The following RHOBTB1 variants were observed in gnomAD, a reference collection of about 807,000 sequenced individuals.
The protein encoded by RHOBTB1 is rho-related BTB domain-containing protein 1.
RHOBTB1 carries 40 observed loss-of-function variants against 71.6 expected under a neutral mutation model. The observed-to-expected ratio is 0.56, with a 90% CI of 0.43 to 0.73. RHOBTB1 has a LOEUF of 0.73. Among genes scored for constraint, RHOBTB1 ranks in the 30% least tolerant of loss-of-function variants. The pLI, the probability that RHOBTB1 is intolerant of heterozygous loss-of-function variation, is 0.00. For missense variants in RHOBTB1, 797 were observed against 894.0 expected (o/e 0.89, Z 1.38); for synonymous variants, 319 against 334.9 (o/e 0.95, Z 0.52).
At chr10:60,886,724 G>A (rs375965857) in intron 6 of RHOBTB1, among the ~76,000 whole-genome samples, 2 of 141,526 alleles carry the variant, frequency 1.4e-5, no homozygotes, top group African/African-American at 5.2e-5. Flanking sequence ...ATGTGGGGGG[G>A]GGTGGGTCTG....
chr10:60,891,846 T>C (rs1014872952), intron 5 of RHOBTB1, among the ~76,000 whole-genome samples: 11 of 152,138 alleles, frequency 7.2e-5, no homozygotes, highest in African/African-American at 2.7e-4. Context: ...GTTCCCATAA[T>C]CCCCATGTGT....
At chr10:60,897,900 T>G (rs192405274) in intron 4 of RHOBTB1, among the ~76,000 whole-genome samples, 1 of 152,206 alleles carries the variant, frequency 6.6e-6, no homozygotes, top group African/African-American at 2.4e-5. Context: ...GAGATGGGGT[T>G]TCACCATGTT....
At chr10:60,996,891 A>G (rs947863483) in intron 1 of RHOBTB1, among the ~76,000 whole-genome samples, 10 of 152,184 alleles carry the variant, frequency 6.6e-5, no homozygotes, top group Admixed American at 4.6e-4. Flanking sequence ...CTTATCTCTC[A>G]GCTGTACAGA....
intron 2 of RHOBTB1, among the ~76,000 whole-genome samples, chr10:60,918,272 T>C (rs927084877): frequency 2.0e-5 from 3 of 152,246 alleles, no homozygotes; most frequent in African/African-American, 7.2e-5. Context: ...GAGCCAAATG[T>C]GACCTTAGTT....
intron 2 of RHOBTB1, among the ~76,000 whole-genome samples, chr10:60,967,231 C>A (rs1446791035): frequency 1.9e-5 from 2 of 103,764 alleles, no homozygotes; most frequent in Admixed American, 9.8e-5. Context: ...GATCTAAGAC[C>A]AATTAGAAAA....
Position 60,968,525 on chromosome 10 carries a change from A to G in RHOBTB1, c.-62+17320T>C, listed in dbSNP as rs540400604. 6.6e-5 allele frequency among the ~76,000 whole-genome samples: 10 copies of G among 152,264 alleles called. No individual in the cohort carries two copies. In the South Asian group the frequency reaches 1.0e-3, roughly 16 times the overall value. ...GAGTAAGCTGAGGTCCCTGCTATCA[A>G]TGAAACCTACTGAGCCCTTGCTGAC... On this transcript the variant is annotated intron_variant, in intron 2 of 11. Coordinates refer to the RHOBTB1 transcript ENST00000357917.
upstream of RHOBTB1, among the ~76,000 whole-genome samples, chr10:60,944,872 C>T (rs367612972): frequency 1.3e-5 from 2 of 152,170 alleles, no homozygotes; most frequent in African/African-American, 4.8e-5. Flanking sequence ...GGCGTAGGGA[C>T]GCACCGCTGA....
At chr10:60,904,942 C>T (rs2082589588) in intron 4 of RHOBTB1, among the ~76,000 whole-genome samples, 1 of 152,118 alleles carries the variant, frequency 6.6e-6, no homozygotes, top group Non-Finnish European at 1.5e-5. Flanking sequence ...TTTCCAAGAC[C>T]TCTTGGTACC....
intron 4 of RHOBTB1, among the ~76,000 whole-genome samples, chr10:60,894,880 A>T (rs2082088804): frequency 6.6e-6 from 1 of 152,248 alleles, no homozygotes; most frequent in Admixed American, 6.5e-5. Flanking sequence ...TATATGACAG[A>T]CATGTAGCTA....
chr10:60,941,700 T>G (rs184080308), intron 2 of RHOBTB1, 104 bp downstream of exon 2: 4 of 152,278 alleles, frequency 2.6e-5, no homozygotes, highest in Admixed American at 2.6e-4. Flanking sequence ...AAGACAAAAT[T>G]TTTAAAAGAC....
upstream of RHOBTB1, among the ~76,000 whole-genome samples, chr10:60,946,426 G>C (rs918718879): frequency 6.6e-6 from 1 of 151,866 alleles, no homozygotes; most frequent in Non-Finnish European, 1.5e-5. Flanking sequence ...CCTCATATGT[G>C]GGGGGGCACA....
intron 2 of RHOBTB1, among the ~76,000 whole-genome samples, chr10:60,938,457 C>T (rs1031861510): frequency 9.9e-5 from 15 of 152,186 alleles, no homozygotes; most frequent in Non-Finnish European, 8.8e-5. Context: ...TTTCCATCCA[C>T]ATGAGGTTGG....
intron 6 of RHOBTB1, 57 bp from the exon 7 acceptor site, chr10:60,886,287 A>C: frequency 7.7e-7 from 1 of 1,307,178 alleles, no homozygotes; most frequent in South Asian, 1.2e-5. Flanking sequence ...AGCTTCAACC[A>C]AGGCTTCTGC....
chr10:60,999,761 G>C (rs564559213), intron 1 of RHOBTB1, among the ~76,000 whole-genome samples: 1 of 152,338 alleles, frequency 6.6e-6, no homozygotes, highest in Admixed American at 6.5e-5. Context: ...CTCCCTGTTA[G>C]GGAATGTTTA....
At chr10:60,890,247 T>G (rs1457540534) in intron 5 of RHOBTB1, among the ~76,000 whole-genome samples, 1 of 152,034 alleles carries the variant, frequency 6.6e-6, no homozygotes, top group East Asian at 1.9e-4. Flanking sequence ...TCTTCAAGCC[T>G]TCTTTTGCTT....
At position 60,942,420 on chromosome 10, in the gene RHOBTB1, C is replaced by T. The variant is rs1162706569; in HGVS notation, c.-61-566G>A. Among the ~76,000 whole-genome samples the T allele has an allele frequency of 4.6e-5, 7 of 152,152 alleles. No homozygotes were observed. In the East Asian group the frequency reaches 1.3e-3, roughly 29 times the overall value. ...ACACTATCTTCAAACTCTGGGAAAA[C>T]AATCATGGGCAAAATTAGTATATTG... is the stretch of plus-strand genomic sequence containing the variant. On this transcript the variant is annotated intron_variant, in intron 1 of 10. Coordinates refer to ENST00000337910, the MANE Select transcript of RHOBTB1 (RefSeq NM_014836.5).
chr10:60,925,773 ATGTATAAC>A (rs1180259856), intron 2 of RHOBTB1, among the ~76,000 whole-genome samples: 1 of 152,236 alleles, frequency 6.6e-6, no homozygotes, highest in Non-Finnish European at 1.5e-5. Context: ...AGAGACCATT[ATGTATAAC>A]TATATGTCAA....
At chr10:60,923,291 T>C (rs547649358) in intron 2 of RHOBTB1, among the ~76,000 whole-genome samples, 1 of 152,240 alleles carries the variant, frequency 6.6e-6, no homozygotes, top group East Asian at 1.9e-4. Context: ...AGAAAAAAAC[T>C]TCAAACATCT....
At chr10:60,939,511 A>C (rs2084784924) in intron 2 of RHOBTB1, among the ~76,000 whole-genome samples, 1 of 151,824 alleles carries the variant, frequency 6.6e-6, no homozygotes, top group Non-Finnish European at 1.5e-5. Context: ...CCTGCTGCCC[A>C]CACACTCGCC....
Sources: allele counts gnomAD v4.1 joint callset (sites outside exome capture counted in the v4.1 genomes callset), GRCh38; gene constraint gnomAD v4.1.1; transcripts MANE v1.5; gene names NCBI Gene and HGNC (gene_info 2026-07-23, HGNC 2026-07-21).